The following SFMBT2 variants were observed in gnomAD, a reference collection of about 807,000 sequenced individuals.
The protein encoded by SFMBT2 is Scm like with four mbt domains 2.
Under a neutral mutation model 110.1 loss-of-function variants are expected in SFMBT2, and 38 were observed. The ratio of observed to expected loss-of-function variants is 0.35; its 90% CI spans 0.27 to 0.45. SFMBT2 has a LOEUF of 0.45. SFMBT2 is among the 20% of genes least tolerant of loss of function. SFMBT2 has a pLI of 1.00. For missense variants in SFMBT2, 1,011 were observed against 1,094.9 expected, an observed-to-expected ratio of 0.92 and a Z score of 1.08; for synonymous variants, 425 against 425.4, an observed-to-expected ratio of 1.00 and a Z score of 0.01.
intron 4 of SFMBT2, among the ~76,000 whole-genome samples, chr10:7,347,492 G>C (rs910985756): frequency 2.0e-5 from 3 of 152,068 alleles, no homozygotes; most frequent in African/African-American, 7.2e-5. Context: ...GAAAAGTAGA[G>C]AATCCATGAA....
chr10:7,268,066 G>T (rs1401665726), intron 7 of SFMBT2, among the ~76,000 whole-genome samples: 1 of 152,236 alleles, frequency 6.6e-6, no homozygotes, highest in Admixed American at 6.5e-5. Context: ...TAGGATCTCA[G>T]ATATGGAATA....
At chr10:7,310,914 G>A (rs1031401739) in intron 4 of SFMBT2, among the ~76,000 whole-genome samples, 23 of 151,988 alleles carry the variant, frequency 1.5e-4, no homozygotes, top group African/African-American at 5.3e-4. Context: ...GGGCATGGTG[G>A]CGGACGCCTG....
intron 4 of SFMBT2, among the ~76,000 whole-genome samples, chr10:7,326,763 G>C (rs1564441770): frequency 6.6e-6 from 1 of 152,090 alleles, no homozygotes; most frequent in Non-Finnish European, 1.5e-5. Flanking sequence ...AAGTTCACTG[G>C]AAAACGAAAA....
intron 16 of SFMBT2, among the ~76,000 whole-genome samples, chr10:7,186,425 T>TACACATACAC (rs1554782947): frequency 8.2e-4 from 90 of 109,354 alleles, no homozygotes; most frequent in African/African-American, 2.8e-3. Context: ...ATACTATATA[T>TACACATACAC]ACACACACAC....
At chr10:7,343,337 G>A (rs1843989880) in intron 4 of SFMBT2, among the ~76,000 whole-genome samples, 1 of 152,030 alleles carries the variant, frequency 6.6e-6, no homozygotes. Context: ...ATTATGAATA[G>A]TGCTGTGGTG....
At chr10:7,265,183 G>A in intron 7 of SFMBT2, among the ~76,000 whole-genome samples, 1 of 99,166 alleles carries the variant, frequency 1.0e-5, no homozygotes, top group South Asian at 3.8e-4. Context: ...TCCCTCCCCT[G>A]CCTCCCTCTC....
chr10:7,364,150 G>A (rs765541925), intron 4 of SFMBT2, among the ~76,000 whole-genome samples: 17 of 152,134 alleles, frequency 1.1e-4, no homozygotes, highest in Non-Finnish European at 2.2e-4. Flanking sequence ...AAAACTTCTT[G>A]CCCCATGAAC....
At chr10:7,216,770 C>G (rs149077436) in intron 11 of SFMBT2, among the ~76,000 whole-genome samples, 2 of 152,178 alleles carry the variant, frequency 1.3e-5, no homozygotes, top group Non-Finnish European at 1.5e-5. Context: ...AATCCCCATC[C>G]GTATCTTAAA....
At chr10:7,212,231 T>C (rs77064078) in intron 11 of SFMBT2, among the ~76,000 whole-genome samples, 8 of 152,342 alleles carry the variant, frequency 5.3e-5, no homozygotes, top group African/African-American at 1.9e-4. Flanking sequence ...GAATTTTAGC[T>C]TCCAGTATAA....
At chr10:7,257,860 A>C (rs1301390978) in intron 7 of SFMBT2, among the ~76,000 whole-genome samples, 4 of 152,230 alleles carry the variant, frequency 2.6e-5, no homozygotes, top group African/African-American at 9.6e-5. Flanking sequence ...TAATTAATAC[A>C]ACAAAATTAA....
chr10:7,214,260 C>A (rs1294035906), intron 11 of SFMBT2, among the ~76,000 whole-genome samples: 3 of 152,222 alleles, frequency 2.0e-5, no homozygotes, highest in Admixed American at 1.3e-4. Context: ...AGAACACAGG[C>A]CACTGCAGCA....
At chr10:7,406,764 G>T (rs529321000) in intron 1 of SFMBT2, among the ~76,000 whole-genome samples, 4 of 152,332 alleles carry the variant, frequency 2.6e-5, no homozygotes, top group Admixed American at 6.5e-5. Flanking sequence ...TGCTGTTTGA[G>T]GTTCAGGATG....
chr10:7,176,259 T>G, intron 16 of SFMBT2, 94 bp from the exon 17 acceptor site: 1 of 1,323,748 alleles, frequency 7.6e-7, no homozygotes, highest in Non-Finnish European at 1.1e-6. Context: ...CAACTTCATT[T>G]TCCAATGACA....
At chr10:7,230,744 C>T (rs1419136976) in intron 9 of SFMBT2, among the ~76,000 whole-genome samples, 1 of 152,120 alleles carries the variant, frequency 6.6e-6, no homozygotes. Flanking sequence ...AACAGCCTGA[C>T]CAACATCGTA....
chr10:7,395,836 G>A (rs1485955762), intron 1 of SFMBT2, among the ~76,000 whole-genome samples: 3 of 151,502 alleles, frequency 2.0e-5, no homozygotes, highest in Admixed American at 1.3e-4. Flanking sequence ...CTTCATAGAC[G>A]TTATGTTTCT....
chr10:7,404,693 T>C (rs1455430657), intron 1 of SFMBT2, among the ~76,000 whole-genome samples: 5 of 152,218 alleles, frequency 3.3e-5, no homozygotes, highest in Non-Finnish European at 7.3e-5. Context: ...ATCTATCTCA[T>C]CACATGAATG....
At chr10:7,165,832 C>T (rs1184079889) in intron 20 of SFMBT2, among the ~76,000 whole-genome samples, 3 of 152,224 alleles carry the variant, frequency 2.0e-5, no homozygotes, top group Non-Finnish European at 4.4e-5. Flanking sequence ...TTTTCAGATG[C>T]TACAGAAAAG....
Position 7,293,049 on chromosome 10 carries a change from GC to G in SFMBT2, c.437-7096del, listed in dbSNP as rs1203935547. The stretch of plus-strand genomic sequence containing the variant: ...AGAATTGTTGGAAGCAAATGACACA[GC>G]CCTATCACAGTGATGACATTAGGGT... On this transcript the variant is annotated intron_variant, in intron 4 of 20. Transcript: ENST00000397167. The surrounding 1 kb of genome is among the most constrained non-coding windows in gnomAD (Gnocchi z 4.6). Among the ~76,000 whole-genome samples the G allele has an allele frequency of 2.0e-5, 3 of 152,168 alleles. No homozygotes were observed. The highest frequency in any genetic ancestry group is 7.2e-5 in the African/African-American group (3 of 41,446).
intron 1 of SFMBT2, among the ~76,000 whole-genome samples, chr10:7,387,561 C>T (rs978072771): frequency 1.3e-5 from 2 of 151,558 alleles, no homozygotes; most frequent in Non-Finnish European, 2.9e-5. Context: ...TTGGGTGGGC[C>T]GGGGGGTGCA....
Sources: gnomAD v4.1 joint callset for allele counts (sites outside exome capture counted in the v4.1 genomes callset) on GRCh38, gnomAD v4.1.1 for gene constraint, Gnocchi (gnomAD v3.1) non-coding constraint, MANE v1.5 for transcripts, NCBI Gene and HGNC (gene_info 2026-07-23, HGNC 2026-07-21) for gene names.